The following TMX2 variants were observed in gnomAD, a reference collection of about 807,000 sequenced individuals.
TMX2 encodes the protein thioredoxin related transmembrane protein 2, also known as thioredoxin-related transmembrane protein 2.
Under a neutral mutation model 33.4 loss-of-function variants are expected in TMX2, and 20 were observed. The observed-to-expected ratio is 0.60, with a 90% CI of 0.42 to 0.87. TMX2 has a LOEUF of 0.87. TMX2 is among the 40% of genes least tolerant of loss of function. The pLI is 0.00. For missense variants in TMX2, 340 were observed against 370.7 expected, an observed-to-expected ratio of 0.92 and a Z score of 0.68; for synonymous variants, 166 against 140.7, an observed-to-expected ratio of 1.18 and a Z score of -1.27.
intron 1 of TMX2, 69 bp downstream of exon 1, chr11:57,712,876 C>T (rs1434387514): frequency 1.1e-5 from 17 of 1,574,020 alleles, no homozygotes; most frequent in Middle Eastern, 3.4e-4. Context: ...ATCTGGGAAC[C>T]CTGGGGTTTA....
At chr11:57,719,797 C>T (rs995881027) in intron 1 of TMX2, among the ~76,000 whole-genome samples, 1 of 152,008 alleles carries the variant, frequency 6.6e-6, no homozygotes, top group African/African-American at 2.4e-5. Flanking sequence ...GGACTATAGG[C>T]ATGAACTACT....
chr11:57,713,665 T>C (rs1223140653), intron 1 of TMX2, among the ~76,000 whole-genome samples: 1 of 152,206 alleles, frequency 6.6e-6, no homozygotes, highest in Admixed American at 6.5e-5. Context: ...AATTTTATTT[T>C]AACGTGCATA....
intron 1 of TMX2, among the ~76,000 whole-genome samples, chr11:57,725,987 A>G (rs1947952230): frequency 6.6e-6 from 1 of 152,236 alleles, no homozygotes; most frequent in Admixed American, 6.5e-5. Flanking sequence ...AGATAAATAT[A>G]TCTACAGATA....
chr11:57,721,345 G>GTTT (rs71061532), intron 1 of TMX2, among the ~76,000 whole-genome samples: 5 of 105,254 alleles, frequency 4.8e-5, no homozygotes, highest in African/African-American at 6.6e-5. Context: ...AATAAATAAA[G>GTTT]TTTTTTTTTT....
At chr11:57,739,974 G>A in intron 7 of TMX2, 125 bp from the exon 8 acceptor site, 1 of 1,332,720 alleles carries the variant, frequency 7.5e-7, no homozygotes. Flanking sequence ...AGGAAGGTTA[G>A]GGAAGATTTT....
intron 1 of TMX2, among the ~76,000 whole-genome samples, chr11:57,731,990 A>G (rs1428295512): frequency 6.6e-6 from 1 of 152,242 alleles, no homozygotes; most frequent in Non-Finnish European, 1.5e-5. Flanking sequence ...GTGAATATTC[A>G]TACCAAAAAC....
chr11:57,736,012 T>C (rs1948730858), intron 1 of TMX2, among the ~76,000 whole-genome samples: 3 of 152,178 alleles, frequency 2.0e-5, no homozygotes, highest in Non-Finnish European at 2.9e-5. Context: ...TGTTTAACTT[T>C]CTGTTTAAGA....
intron 1 of TMX2, among the ~76,000 whole-genome samples, chr11:57,733,960 G>A (rs1174440345): frequency 6.6e-6 from 1 of 151,792 alleles, no homozygotes; most frequent in Non-Finnish European, 1.5e-5. Flanking sequence ...CACAAGGTCA[G>A]TAGATCGAGA....
chr11:57,716,923 A>T (rs1480857241), intron 1 of TMX2, among the ~76,000 whole-genome samples: 2 of 151,284 alleles, frequency 1.3e-5, no homozygotes, highest in African/African-American at 2.4e-5. Flanking sequence ...GGTGCCGGGC[A>T]GAGGGGCTCC....
intron 1 of TMX2, among the ~76,000 whole-genome samples, chr11:57,719,020 C>CATAT (rs1157963160): frequency 8.8e-5 from 11 of 125,032 alleles, no homozygotes; most frequent in East Asian, 6.9e-4. Flanking sequence ...ATATTCAGGC[C>CATAT]ATATATATAT....
At chr11:57,736,314 C>A (rs1232912744) in intron 1 of TMX2, among the ~76,000 whole-genome samples, 1 of 148,646 alleles carries the variant, frequency 6.7e-6, no homozygotes, top group Non-Finnish European at 1.5e-5. Context: ...ATAAAATACA[C>A]TAACACCTAA....
At chr11:57,727,461 G>A (rs1948080541) in intron 1 of TMX2, among the ~76,000 whole-genome samples, 1 of 152,114 alleles carries the variant, frequency 6.6e-6, no homozygotes, top group Non-Finnish European at 1.5e-5. Flanking sequence ...ACTAAGCTAT[G>A]ATTTTTTTTA....
rs1285333682 is a variant in TMX2 at position 57,739,277 on chromosome 11, G to T, written c.744+17G>T. On this transcript the variant is annotated intron_variant, in intron 7 of 7. Transcript: ENST00000278422. ...TTCTCTGAGGTACCTGAAAGGAAGG[G>T]CAGGTGCATGAAGGGTGCAGAACAG... The T allele has an allele frequency of 6.2e-7, 1 of 1,613,888 alleles. No homozygotes were observed. The highest frequency in any genetic ancestry group is 8.5e-7 in the Non-Finnish European group (1 of 1,180,004).
chr11:57,716,262 T>C (rs1320295397), intron 1 of TMX2, among the ~76,000 whole-genome samples: 2 of 141,420 alleles, frequency 1.4e-5, no homozygotes, highest in Non-Finnish European at 3.1e-5. Flanking sequence ...GGCGGGGGGC[T>C]GACCCCCCCC....
chr11:57,714,764 A>T (rs186582462), intron 1 of TMX2, among the ~76,000 whole-genome samples: 7 of 152,124 alleles, frequency 4.6e-5, no homozygotes, highest in South Asian at 2.1e-4. Flanking sequence ...GCTAATTTTT[A>T]AAAATTTTTT....
intron 1 of TMX2, among the ~76,000 whole-genome samples, chr11:57,729,389 G>GT (rs1226368715): frequency 6.6e-6 from 1 of 151,904 alleles, no homozygotes; most frequent in Non-Finnish European, 1.5e-5. Context: ...ACTGTTCTCT[G>GT]TTTTTTTGCA....
chr11:57,722,492 T>G (rs910777402), intron 1 of TMX2, among the ~76,000 whole-genome samples: 2 of 151,568 alleles, frequency 1.3e-5, no homozygotes, highest in Non-Finnish European at 2.9e-5. Context: ...AAATTGTTTT[T>G]GAAAACAGGC....
chr11:57,719,414 ACCCCC>A (rs1947423908), intron 1 of TMX2, among the ~76,000 whole-genome samples: 5 of 142,176 alleles, frequency 3.5e-5, no homozygotes, highest in Non-Finnish European at 7.7e-5. Flanking sequence ...GTTCACTGAA[ACCCCC>A]TTTAAAAAAA....
rs111556279 is a variant in TMX2, at chr11:57,732,251, CTG to C, written c.190-5354_190-5353del. On this transcript the variant is annotated intron_variant, in intron 1 of 7. Coordinates refer to ENST00000278422, the MANE Select transcript of TMX2 (RefSeq NM_015959.4). ...CTACCTTTGTGCCTATAAGCAACAT[CTG>C]TGCTCAGATGAAGGCGCATCATCCA... Among the ~76,000 whole-genome samples, 266 of 152,316 alleles carry C rather than the reference CTG, an allele frequency of 1.7e-3. 1 individual carries two copies. Among genetic ancestry groups the C allele is most frequent in the African/African-American group, 6.0e-3 (248 of 41,558 alleles).
Sources: allele counts gnomAD v4.1 joint callset (sites outside exome capture counted in the v4.1 genomes callset), GRCh38; gene constraint gnomAD v4.1.1; transcripts MANE v1.5; gene names NCBI Gene and HGNC (gene_info 2026-07-23, HGNC 2026-07-21).